Variants in ARHGEF19 observed in about 807,000 individuals in gnomAD.
The protein encoded by ARHGEF19 is Rho guanine nucleotide exchange factor (GEF) 19.
ARHGEF19 carries 92 observed loss-of-function variants against 87.6 expected under a neutral mutation model. That is an observed-to-expected ratio of 1.05 (90% CI 0.89 to 1.25). The LOEUF is 1.25. Ranked by LOEUF, ARHGEF19 falls within the 50% of genes most tolerant of loss-of-function variation. The pLI, the probability that ARHGEF19 is intolerant of heterozygous loss-of-function variation, is 0.00. For missense variants in ARHGEF19, 1,054 were observed against 1,051.8 expected (o/e 1.00, Z -0.03); for synonymous variants, 438 against 446.2 (o/e 0.98, Z 0.23).
chr1:16,199,198 T>C lies in ARHGEF19; in HGVS notation c.2203A>G (p.Thr735Ala), dbSNP rs756924262. 3 of 1,614,036 alleles carry C rather than the reference T, an allele frequency of 1.9e-6. No homozygotes were observed. The Admixed American group carries it at 5.0e-5, about 27-fold the overall frequency. Residue 735 changes from threonine (T) to alanine (A), a missense_variant, in exon 15 of 16, where the codon ACC (threonine) becomes GCC (alanine). Thr to Ala is a moderately conservative substitution (Grantham distance 58, BLOSUM62 0). Transcript: ENST00000270747. ...TYKALHPDEL[T>A]LEKTDILSVR... ...GACAGGATGTCAGTCTTCTCCAAGG[T>C]CAGCTCATCTGGGTGCAGTGCCTTG...
chr1:16,207,682 C>G lies in ARHGEF19; in HGVS notation c.790G>C (p.Glu264Gln). The change falls in exon 4 of 16, where the codon GAG becomes CAG. Residue 264 changes from glutamate to glutamine, a missense_variant. Transcript: ENST00000270747. This position sits in a 1 kb window ranked among gnomAD's most constrained non-coding sequence, Gnocchi z 4.0. ...PGDSREGDWSEPRLDTQEEPP... is the reference protein window; with the variant it reads ...PGDSREGDWSQPRLDTQEEPP... ...CCAAACGGGAGGTGGTACCTGGGCT[C>G]GGACCAATCGCCCTCTCGTGAGTCA... The G allele has an allele frequency of 6.2e-7, 1 of 1,614,090 alleles. No individual in the cohort carries two copies. The highest frequency in any genetic ancestry group is 2.2e-5 in the East Asian group (1 of 44,880).
Position 16,205,086 on chromosome 1 carries a change from C to G in ARHGEF19, c.1746+1G>C. 1.9e-6 allele frequency: 3 copies of G among 1,600,644 alleles called. No individual in the cohort carries two copies. Among genetic ancestry groups the G allele is most frequent in the Non-Finnish European group, 2.6e-6 (3 of 1,173,692 alleles). On this transcript the variant is annotated splice_donor_variant, in intron 11 of 15. Transcript: ENST00000270747. LOFTEE classifies it high-confidence loss of function. The surrounding 1 kb of genome is among the most constrained non-coding windows in gnomAD (Gnocchi z 5.8). Reference sequence around the variant, plus strand: ...CCATCCCGCTGGCTGCAGACACACACCTTGCCCTCAAAGTGGATCTTCTTG... The same window carrying G: ...CCATCCCGCTGGCTGCAGACACACAGCTTGCCCTCAAAGTGGATCTTCTTG...
chr1:16,208,284 G>C, intron 2 of ARHGEF19, 59 bp from the exon 3 acceptor site: 3 of 1,557,984 alleles, frequency 1.9e-6, no homozygotes, highest in Non-Finnish European at 2.6e-6. Context: ...CCTCCTCCCT[G>C]CTGCTGCCCC....
chr1:16,211,436 G>A (rs1381964955), intron 1 of ARHGEF19, among the ~76,000 whole-genome samples: 3 of 152,222 alleles, frequency 2.0e-5, no homozygotes, highest in Admixed American at 1.3e-4. Flanking sequence ...GGGCAGGGAG[G>A]GACCCTCTCT....
At chr1:16,201,152 G>A (rs1473564186) in intron 14 of ARHGEF19, among the ~76,000 whole-genome samples, 1 of 152,020 alleles carries the variant, frequency 6.6e-6, no homozygotes, top group Non-Finnish European at 1.5e-5. Context: ...AGCCCAGGAG[G>A]TTGAGACTAC....
Position 16,208,926 on chromosome 1 carries a change from CG to C in ARHGEF19, c.128del (p.Pro43ArgfsTer118). On this transcript the variant is annotated frameshift_variant, in exon 2 of 16. Coordinates refer to ENST00000270747, the MANE Select transcript of ARHGEF19 (RefSeq NM_153213.5). LOFTEE classifies it high-confidence loss of function. ...GGAAAAGGTCCAGACACACTGGGCT[CG>C]GGGGCTTCAGGGCGGGCAGCTCTGC... ...SFAELPALKP[P>X]SPVCLDLFPV... The C allele has an allele frequency of 1.3e-6, 2 of 1,585,858 alleles. No individual in the cohort carries two copies. Among genetic ancestry groups the C allele is most frequent in the Admixed American group, 1.9e-5 (1 of 52,698 alleles).
Position 16,207,545 on chromosome 1 carries a change from C to T in ARHGEF19, c.851G>A (p.Arg284His). Reference protein sequence around the residue: ...PLGSRSTNERRQSRFLLNSVL... With the variant: ...PLGSRSTNERHQSRFLLNSVL... ...ACAGTTAAGGAGGAATCGAGACTGG[C>T]GCCGCTCGTTGGTGCTCCTGGACCC... is the stretch of plus-strand genomic sequence containing the variant. The change falls in exon 5 of 16, where the codon CGC becomes CAC. Residue 284 changes from arginine to histidine, a missense_variant. Transcript: ENST00000270747. This position sits in a 1 kb window ranked among gnomAD's most constrained non-coding sequence, Gnocchi z 4.0. 2 of 1,613,998 alleles carry T rather than the reference C, an allele frequency of 1.2e-6. No homozygotes were observed. Among genetic ancestry groups the T allele is most frequent in the East Asian group, 2.2e-5 (1 of 44,862 alleles).
rs1404693044 is a variant in ARHGEF19, at chr1:16,206,486, G to C, written c.1138-146C>G. 1.2e-6 allele frequency: 1 copy of C among 833,264 alleles called. No individual in the cohort carries two copies. The highest frequency in any genetic ancestry group is 1.7e-5 in the South Asian group (1 of 59,818). The allele number at this position is 833,264 out of a possible 1,614,324, so 51.6% of individuals were successfully genotyped here. A position where few individuals can be genotyped will look rare whatever the true frequency, so the allele number is the denominator to read the frequency against. ...TCCTAATCTGGCGCCGGGCGGGCCCGGCGACCCACGTCCCGCCGCGGGAAA... is the reference window on the plus strand; with the variant it reads ...TCCTAATCTGGCGCCGGGCGGGCCCCGCGACCCACGTCCCGCCGCGGGAAA... On this transcript the variant is annotated intron_variant, in intron 6 of 15. Transcript: ENST00000270747. This position sits in a 1 kb window ranked among gnomAD's most constrained non-coding sequence, Gnocchi z 4.6.
At position 16,207,591 on chromosome 1, in the gene ARHGEF19, T is replaced by A; in HGVS notation, c.805A>T (p.Thr269Ser). 6.2e-7 allele frequency: 1 copy of A among 1,613,932 alleles called. No individual in the cohort carries two copies. The highest frequency in any genetic ancestry group is 8.5e-7 in the Non-Finnish European group (1 of 1,179,970). ...EGDWSEPRLD[T>S]QEEPPLGSRS... Reference sequence around the variant, plus strand: ...GACCCCAAAGGCGGCTCTTCCTGTGTGTCTAGCCTAGGAAAGAGAGAGCGT... The same window carrying A: ...GACCCCAAAGGCGGCTCTTCCTGTGAGTCTAGCCTAGGAAAGAGAGAGCGT... The change falls in exon 5 of 16, where the codon ACA (threonine) becomes TCA (serine). Residue 269 changes from threonine to serine, a missense_variant. Coordinates refer to ENST00000270747, the MANE Select transcript of ARHGEF19 (RefSeq NM_153213.5). The surrounding 1 kb of genome is among the most constrained non-coding windows in gnomAD (Gnocchi z 4.0).
intron 13 of ARHGEF19, 136 bp from the exon 14 acceptor site, chr1:16,201,997 G>A (rs2081087227): frequency 1.2e-6 from 1 of 810,660 alleles, no homozygotes; most frequent in Non-Finnish European, 1.9e-6. Context: ...ACCCATGTCT[G>A]CCCCACCCCA....
In ARHGEF19 at chr1:16,202,474, G is replaced by T. The variant is rs773063320; in HGVS notation, c.2008C>A (p.Leu670Ile). 6.2e-7 allele frequency: 1 copy of T among 1,614,200 alleles called. No homozygotes were observed. The highest frequency in any genetic ancestry group is 8.5e-7 in the Non-Finnish European group (1 of 1,180,036). ...ATGTGCTGCCCGTGGAGGAGCTGGA[G>T]GAGGAACACGTGGCCGGGGATGCCC... ...LQGIPGHVFL[L>I]QLLHGQHMKH... Residue 670 changes from leucine to isoleucine, a missense_variant, in exon 13 of 16, where the codon CTC becomes ATC. Transcript: ENST00000270747.
At position 16,205,467 on chromosome 1, in the gene ARHGEF19, C is replaced by T. The variant is rs558396887; in HGVS notation, c.1582-42G>A. 1 of 1,612,592 alleles carries T rather than the reference C, an allele frequency of 6.2e-7. No homozygotes were observed. Among genetic ancestry groups the T allele is most frequent in the Admixed American group, 1.7e-5 (1 of 59,398 alleles). On this transcript the variant is annotated intron_variant, in intron 9 of 15. Coordinates refer to ENST00000270747, the MANE Select transcript of ARHGEF19 (RefSeq NM_153213.5). This position sits in a 1 kb window ranked among gnomAD's most constrained non-coding sequence, Gnocchi z 5.8. ...GCACAATGAGGCAGTCCTCATACTCCCGAGACCCGGCCCGCCCACAGGTGT... is the reference window on the plus strand; with the variant it reads ...GCACAATGAGGCAGTCCTCATACTCTCGAGACCCGGCCCGCCCACAGGTGT...
intron 15 of ARHGEF19, 66 bp downstream of exon 15, chr1:16,199,084 A>G: frequency 6.8e-7 from 1 of 1,471,688 alleles, no homozygotes; most frequent in Admixed American, 1.7e-5. Context: ...GTGATATCTT[A>G]GTCATCTAGC....
chr1:16,198,871 T>A lies in ARHGEF19; in HGVS notation c.2252-127A>T, dbSNP rs2081061123. ...GGGCCAAGGTGACATCATCTCAGCA[T>A]CTCTCAGCTCCAGGAAGGACCCTGT... On this transcript the variant is annotated intron_variant, in intron 15 of 15. Coordinates refer to ENST00000270747, the MANE Select transcript of ARHGEF19 (RefSeq NM_153213.5). This position sits in a 1 kb window ranked among gnomAD's most constrained non-coding sequence, Gnocchi z 4.1. 1.6e-6 allele frequency: 2 copies of A among 1,231,312 alleles called. No homozygotes were observed. The highest frequency in any genetic ancestry group is 1.5e-5 in the African/African-American group (1 of 65,952). The allele number at this position is 1,231,312 out of a possible 1,614,324, so 76.3% of individuals were successfully genotyped here.
Position 16,205,164 on chromosome 1 carries a change from A to G in ARHGEF19, c.1669T>C (p.Cys557Arg), listed in dbSNP as rs369022692. The stretch of plus-strand genomic sequence containing the variant: ...TTCATGGACTGTACACTAGCATTGC[A>G]CTCCTGCACCAGCTGGGGGAGCCGT... ...FNALKELVQE[C>R]NASVQSMKRT... The change falls in exon 11 of 16, where the codon TGC (cysteine) becomes CGC (arginine). Residue 557 changes from cysteine to arginine, a missense_variant. Transcript: ENST00000270747. This position sits in a 1 kb window ranked among gnomAD's most constrained non-coding sequence, Gnocchi z 5.8. 33 of 1,598,554 alleles carry G rather than the reference A, an allele frequency of 2.1e-5. No homozygotes were observed. The highest frequency in any genetic ancestry group is 2.6e-5 in the Non-Finnish European group (31 of 1,172,734).
In ARHGEF19 at chr1:16,206,200, C is replaced by A. The variant is rs1238306039; in HGVS notation, c.1278G>T (p.Glu426Asp). The A allele has an allele frequency of 6.3e-7, 1 of 1,598,346 alleles. No individual in the cohort carries two copies. Among genetic ancestry groups the A allele is most frequent in the Non-Finnish European group, 8.5e-7 (1 of 1,171,312 alleles). ...TTCACCTCTCGCTGGTGCTCTTGAC[C>A]TCGGGCAGTTTGGAAAACAGCCACT... ...DKQWLFSKLP[E>D]VKSTSERFLQ... is the part of the protein sequence containing the mutation. The change falls in exon 7 of 16, where the codon GAG becomes GAT. Residue 426 changes from glutamate to aspartate, a missense_variant. Physicochemically the swap from Glu to Asp is conservative, Grantham distance 45. Transcript: ENST00000270747. This position sits in a 1 kb window ranked among gnomAD's most constrained non-coding sequence, Gnocchi z 4.6.
At position 16,205,016 on chromosome 1, in the gene ARHGEF19, A is replaced by G; in HGVS notation, c.1746+71T>C. The G allele has an allele frequency of 6.4e-7, 1 of 1,562,412 alleles. No homozygotes were observed. The highest frequency in any genetic ancestry group is 8.7e-7 in the Non-Finnish European group (1 of 1,152,630). ...GTGTGGGCAGCGATTAACTGGCCTG[A>G]AGCCCCCAGGGCAAGGAAGAAACAA... On this transcript the variant is annotated intron_variant, in intron 11 of 15. Transcript: ENST00000270747. This position sits in a 1 kb window ranked among gnomAD's most constrained non-coding sequence, Gnocchi z 5.8.
intron 1 of ARHGEF19, among the ~76,000 whole-genome samples, chr1:16,211,037 G>A (rs2081192372): frequency 1.3e-5 from 2 of 152,146 alleles, no homozygotes; most frequent in Admixed American, 1.3e-4. Context: ...TCCTCTCTAC[G>A]GTGGCCACTC....
At chr1:16,199,400 A>G (rs2081066676) in intron 14 of ARHGEF19, 146 bp from the exon 15 acceptor site, 1 of 674,074 alleles carries the variant, frequency 1.5e-6, no homozygotes, top group Admixed American at 2.3e-5. Flanking sequence ...CTGCCATGCC[A>G]CAGGCCCACG....
Sources: allele counts gnomAD v4.1 joint callset (sites outside exome capture counted in the v4.1 genomes callset), GRCh38; gene constraint gnomAD v4.1.1; non-coding constraint Gnocchi (gnomAD v3.1); transcripts MANE v1.5; gene names NCBI Gene and HGNC (gene_info 2026-07-23, HGNC 2026-07-21).